Variants in CHL1 observed in about 807,000 individuals in gnomAD.
The protein encoded by CHL1 is neural cell adhesion molecule L1-like protein.
In CHL1, 96 loss-of-function variants were observed where a neutral mutation model predicts 141.9. The observed-to-expected ratio is 0.68, with a 90% CI of 0.57 to 0.80. The LOEUF is 0.80. CHL1 is among the 30% of genes least tolerant of loss of function. CHL1 has a pLI of 0.00. For missense variants in CHL1, 1,820 were observed against 1,457.2 expected (o/e 1.25, Z -4.05); for synonymous variants, 613 against 502.2 (o/e 1.22, Z -2.95).
rs531496372 is a variant in CHL1, at chr3:276,208, C to T, written c.-95+31516C>T. Among the ~76,000 whole-genome samples the T allele has an allele frequency of 8.9e-4, 135 of 152,130 alleles. 4 individuals are homozygous for T. In the South Asian group the frequency reaches 0.023, roughly 25 times the overall value. ...TAAAGATCATTATGTCTGTTTAATT[C>T]ACCACTATATTAAAAGTATTATATT... On this transcript the variant is annotated intron_variant, in intron 2 of 27. Transcript: ENST00000256509.
At chr3:378,636 C>T (rs1221066213) in intron 16 of CHL1, among the ~76,000 whole-genome samples, 1 of 152,202 alleles carries the variant, frequency 6.6e-6, no homozygotes, top group African/African-American at 2.4e-5. Context: ...CATCAGCAAA[C>T]CACTTTCCTT....
At chr3:227,341 G>T (rs1049649740) in intron 1 of CHL1, among the ~76,000 whole-genome samples, 1 of 152,218 alleles carries the variant, frequency 6.6e-6, no homozygotes, top group African/African-American at 2.4e-5. Context: ...AAATACACCT[G>T]TGTGCAAGCT....
intron 3 of CHL1, among the ~76,000 whole-genome samples, chr3:324,617 A>ATTTT (rs1213022202): frequency 1.8e-5 from 2 of 110,248 alleles, no homozygotes; most frequent in African/African-American, 1.2e-4. Flanking sequence ...TTATTTATTT[A>ATTTT]TTTATTTATT....
At position 409,024 on chromosome 3, in the gene CHL1, A is replaced by G. The variant is rs756961503; in HGVS notation, c.*3313A>G. On this transcript the variant is annotated 3_prime_UTR_variant, in exon 28 of 28. Transcript: ENST00000256509. Reference sequence around the variant, plus strand: ...CTAAGCATTTAAAACATAATTGCCAATTGAAACCCTAAATATGTTTACATA... The same window carrying G: ...CTAAGCATTTAAAACATAATTGCCAGTTGAAACCCTAAATATGTTTACATA... The G allele has an allele frequency of 3.9e-5, 6 of 152,120 alleles. No homozygotes were observed. The highest frequency in any genetic ancestry group is 9.7e-5 in the African/African-American group (4 of 41,444). The allele number at this position is 152,120 out of a possible 1,614,324, so 9.4% of individuals were successfully genotyped here.
At chr3:295,672 G>T (rs1246187084) in intron 2 of CHL1, among the ~76,000 whole-genome samples, 1 of 152,136 alleles carries the variant, frequency 6.6e-6, no homozygotes, top group Non-Finnish European at 1.5e-5. Flanking sequence ...TCTGCTTTTG[G>T]ATATGTAATT....
intron 1 of CHL1, among the ~76,000 whole-genome samples, chr3:240,059 G>A (rs1259778789): frequency 6.6e-6 from 1 of 152,200 alleles, no homozygotes; most frequent in African/African-American, 2.4e-5. Context: ...AAACATGCAT[G>A]TGCAAGTACC....
At chr3:374,843 G>A (rs1706113877) in intron 15 of CHL1, among the ~76,000 whole-genome samples, 2 of 152,138 alleles carry the variant, frequency 1.3e-5, no homozygotes, top group African/African-American at 4.8e-5. Flanking sequence ...CTTACCTTCT[G>A]CTGAGACACC....
chr3:399,852 T>G (rs1320507505), intron 26 of CHL1, among the ~76,000 whole-genome samples: 3 of 152,194 alleles, frequency 2.0e-5, no homozygotes, highest in Non-Finnish European at 4.4e-5. Context: ...CATTCTAATA[T>G]TACTGGCTCC....
At chr3:346,989 A>G (rs1286886016) in intron 9 of CHL1, among the ~76,000 whole-genome samples, 2 of 152,180 alleles carry the variant, frequency 1.3e-5, no homozygotes, top group Admixed American at 6.5e-5. Context: ...GATATAATTT[A>G]TCTCAAGATA....
chr3:236,380 G>A (rs933847257), intron 1 of CHL1, among the ~76,000 whole-genome samples: 14 of 152,082 alleles, frequency 9.2e-5, no homozygotes, highest in African/African-American at 3.4e-4. Flanking sequence ...TCATCAATCA[G>A]CCCCAGGTCC....
intron 1 of CHL1, among the ~76,000 whole-genome samples, chr3:198,388 T>C (rs1333085415): frequency 1.3e-5 from 2 of 151,870 alleles, no homozygotes; most frequent in Admixed American, 1.3e-4. Context: ...GCGGGGAGAT[T>C]TGCGCGTGCG....
At chr3:381,401 T>C (rs1204635413) in intron 16 of CHL1, among the ~76,000 whole-genome samples, 1 of 152,168 alleles carries the variant, frequency 6.6e-6, no homozygotes, top group African/African-American at 2.4e-5. Context: ...AAGACACTTA[T>C]CTGCAGGGCA....
At chr3:366,139 C>T in intron 15 of CHL1, 24 bp downstream of exon 15, 1 of 1,602,164 alleles carries the variant, frequency 6.2e-7, no homozygotes, top group Admixed American at 1.7e-5. Flanking sequence ...TATGATATGT[C>T]ATAATATTTG....
At chr3:202,336 G>A (rs1003681509) in intron 1 of CHL1, among the ~76,000 whole-genome samples, 1 of 152,204 alleles carries the variant, frequency 6.6e-6, no homozygotes, top group African/African-American at 2.4e-5. Context: ...GTATCCCTGT[G>A]TATGTGAATA....
At chr3:405,390 A>G (rs1279310025) in intron 27 of CHL1, 105 bp from the exon 28 acceptor site, 2 of 748,900 alleles carry the variant, frequency 2.7e-6, no homozygotes, top group African/African-American at 3.5e-5. Flanking sequence ...TGCTAACACA[A>G]ATGTCCTGAA....
chr3:362,926 A>G (rs1704425548), intron 13 of CHL1, among the ~76,000 whole-genome samples: 2 of 152,220 alleles, frequency 1.3e-5, no homozygotes, highest in African/African-American at 4.8e-5. Context: ...AATAAGCCAG[A>G]AAATATTTAT....
At chr3:306,757 A>G (rs756569839) in intron 2 of CHL1, among the ~76,000 whole-genome samples, 4 of 152,208 alleles carry the variant, frequency 2.6e-5, no homozygotes, top group Non-Finnish European at 5.9e-5. Context: ...CAAAGGTGAG[A>G]TATCCCAAAC....
intron 1 of CHL1, among the ~76,000 whole-genome samples, chr3:222,343 C>T (rs1700919829): frequency 6.6e-6 from 1 of 152,058 alleles, no homozygotes; most frequent in African/African-American, 2.4e-5. Context: ...GGGGAAGCTG[C>T]CCTCTTGCCC....
intron 1 of CHL1, among the ~76,000 whole-genome samples, chr3:239,719 A>G (rs148688421): frequency 6.6e-6 from 1 of 152,054 alleles, no homozygotes; most frequent in African/African-American, 2.4e-5. Flanking sequence ...GCAGTATACA[A>G]TGAACCCAAT....
Sources: allele counts gnomAD v4.1 joint callset (sites outside exome capture counted in the v4.1 genomes callset), GRCh38; gene constraint gnomAD v4.1.1; transcripts MANE v1.5; gene names NCBI Gene and HGNC (gene_info 2026-07-23, HGNC 2026-07-21).